The following ECM2 variants were observed in gnomAD, a reference collection of about 807,000 sequenced individuals.
ECM2 encodes the protein extracellular matrix protein 2.
In ECM2, 57 loss-of-function variants were observed where a neutral mutation model predicts 67.5. The observed-to-expected ratio is 0.84, with a 90% CI of 0.68 to 1.05. The LOEUF (loss-of-function observed/expected upper bound fraction) is 1.05, where lower values mean the gene tolerates loss of function less well. ECM2 is among the 50% of genes least tolerant of loss of function. The probability of loss-of-function intolerance (pLI) is 0.00; values close to 1 mark genes in which losing one functional copy is unlikely to be tolerated. For synonymous variants in ECM2, 258 were observed against 294.5 expected (o/e 0.88, Z 1.27); for missense variants, 741 against 822.8 (o/e 0.90, Z 1.22).
chr9:92,503,632 T>C (rs1291210678), intron 7 of ECM2, among the ~76,000 whole-genome samples: 1 of 152,248 alleles, frequency 6.6e-6, no homozygotes, highest in Non-Finnish European at 1.5e-5. Flanking sequence ...ATTATAAAAA[T>C]TCTCCTTGTT....
the ECM2 span, among the ~76,000 whole-genome samples, chr9:92,557,866 A>C: frequency 6.6e-6 from 1 of 152,004 alleles, no homozygotes; most frequent in Non-Finnish European, 1.5e-5. Flanking sequence ...GATGGTCTCG[A>C]TCTCCTGACC....
chr9:92,541,626 G>A (rs560839669), upstream of ECM2, among the ~76,000 whole-genome samples: 95 of 151,582 alleles, frequency 6.3e-4, no homozygotes, highest in African/African-American at 2.1e-3. Flanking sequence ...AATGTCCTCC[G>A]GGTTCATCCA....
the ECM2 span, among the ~76,000 whole-genome samples, chr9:92,558,920 CG>C: frequency 6.6e-6 from 1 of 151,914 alleles, no homozygotes; most frequent in Non-Finnish European, 1.5e-5. Flanking sequence ...TGGGGAAAGC[CG>C]GCAGTCACAG....
chr9:92,503,705 G>A (rs1004845033), intron 7 of ECM2, among the ~76,000 whole-genome samples: 10 of 152,202 alleles, frequency 6.6e-5, no homozygotes, highest in Non-Finnish European at 1.2e-4. Flanking sequence ...TATTCCACCT[G>A]TGAGAATTTC....
chr9:92,523,432 T>C (rs1035860556), intron 1 of ECM2, among the ~76,000 whole-genome samples: 4 of 151,898 alleles, frequency 2.6e-5, no homozygotes, highest in Admixed American at 6.6e-5. Context: ...ACACCACCCA[T>C]AGGGTACCCA....
At chr9:92,546,233 TC>T in the ECM2 span, among the ~76,000 whole-genome samples, 1 of 152,122 alleles carries the variant, frequency 6.6e-6, no homozygotes, top group South Asian at 2.1e-4. Flanking sequence ...AACAGACCAA[TC>T]AGCTCTCTGT....
upstream of ECM2, among the ~76,000 whole-genome samples, chr9:92,540,256 A>T (rs756032681): frequency 2.0e-5 from 3 of 151,778 alleles, no homozygotes; most frequent in Non-Finnish European, 4.4e-5. Context: ...GGCTAACATG[A>T]TGAAACCCTG....
chr9:92,496,597 A>C (rs1004747301), intron 9 of ECM2, 114 bp from the exon 10 acceptor site: 1 of 1,288,494 alleles, frequency 7.8e-7, no homozygotes. Context: ...TTGGATCCTT[A>C]TAGACCAGAA....
chr9:92,556,937 T>C, the ECM2 span, among the ~76,000 whole-genome samples: 30 of 152,360 alleles, frequency 2.0e-4, 1 homozygote, highest in East Asian at 4.2e-3. Flanking sequence ...GTGTGATTTA[T>C]GCTTTAAAGA....
rs778757481 is a variant in ECM2, at chr9:92,522,671, T to C, written c.196A>G (p.Arg66Gly). The C allele has an allele frequency of 1.3e-5, 21 of 1,614,026 alleles. No individual in the cohort carries two copies. In the South Asian group the frequency reaches 1.3e-4, roughly 10 times the overall value. The change falls in exon 2 of 10, where the codon AGA becomes GGA. Residue 66 changes from arginine (R) to glycine (G), a missense_variant. Arg to Gly is a moderately radical substitution (Grantham distance 125). Coordinates refer to ENST00000344604, the MANE Select transcript of ECM2 (RefSeq NM_001393.4). ...TAATCAAAGTTAACAATAGGAAGTC[T>C]TGCTACTGGTGTAAAAACTGTTGTT... The part of the protein sequence containing the change: ...QQTTVFTPVA[R>G]LPIVNFDYSM...
At chr9:92,493,619 A>G (rs1846231947), downstream of ECM2, 1 of 152,630 alleles carries the variant, frequency 6.6e-6, no homozygotes, top group African/African-American at 2.4e-5. Flanking sequence ...GTAATTTTTG[A>G]AGCCAAACAG....
At chr9:92,547,721 C>G in the ECM2 span, among the ~76,000 whole-genome samples, 1 of 152,126 alleles carries the variant, frequency 6.6e-6, no homozygotes, top group Non-Finnish European at 1.5e-5. Flanking sequence ...CTAAAATGTT[C>G]TAAAAATAGT....
At chr9:92,556,835 C>T in the ECM2 span, among the ~76,000 whole-genome samples, 6 of 152,172 alleles carry the variant, frequency 3.9e-5, no homozygotes, top group Admixed American at 6.5e-5. Flanking sequence ...TTTACAGTTG[C>T]ATCCATCCTG....
chr9:92,505,443 T>C, intron 7 of ECM2, 90 bp downstream of exon 7: 2 of 1,157,940 alleles, frequency 1.7e-6, no homozygotes, highest in Non-Finnish European at 2.4e-6. Context: ...GAGTTTAATT[T>C]ACATCACAAT....
intron 1 of ECM2, among the ~76,000 whole-genome samples, chr9:92,534,334 A>G (rs1365607092): frequency 1.3e-5 from 2 of 152,194 alleles, no homozygotes; most frequent in African/African-American, 4.8e-5. Context: ...ACTTCTTTTT[A>G]TAACTTCATC....
chr9:92,539,137 G>C (rs956337895), upstream of ECM2: 2 of 152,136 alleles, frequency 1.3e-5, no homozygotes, highest in Non-Finnish European at 2.9e-5. Context: ...ACAATGTTCC[G>C]GTATCTTTAT....
At chr9:92,541,849 A>C in the ECM2 span, among the ~76,000 whole-genome samples, 1 of 151,936 alleles carries the variant, frequency 6.6e-6, no homozygotes, top group Non-Finnish European at 1.5e-5. Context: ...GCTAGAGTGC[A>C]GTGGTGCAAT....
intron 2 of ECM2, among the ~76,000 whole-genome samples, chr9:92,519,098 A>G (rs1042249068): frequency 6.6e-6 from 1 of 151,968 alleles, no homozygotes; most frequent in Non-Finnish European, 1.5e-5. Context: ...TCCACCCCCA[A>G]ATGAGCCTCT....
upstream of ECM2, among the ~76,000 whole-genome samples, chr9:92,538,773 C>T (rs975004534): frequency 6.6e-6 from 1 of 152,160 alleles, no homozygotes; most frequent in African/African-American, 2.4e-5. Context: ...CAACACTCTG[C>T]AGGAATGTGG....
Sources: gnomAD v4.1 joint callset for allele counts (sites outside exome capture counted in the v4.1 genomes callset) on GRCh38, gnomAD v4.1.1 for gene constraint, MANE v1.5 for transcripts, NCBI Gene and HGNC (gene_info 2026-07-23, HGNC 2026-07-21) for gene names.